ARHGAP15: variants seen among roughly 807,000 people sequenced by gnomAD.
The protein encoded by ARHGAP15 is Rho GTPase activating protein 15.
ARHGAP15 carries 51 observed loss-of-function variants against 63.7 expected under a neutral mutation model. That is an observed-to-expected ratio of 0.80 (90% confidence interval 0.64 to 1.01). The LOEUF is 1.01. Ranked by LOEUF, ARHGAP15 falls within the 50% of genes least tolerant of loss-of-function variation. The pLI is 0.00. For missense variants in ARHGAP15, 560 were observed against 564.6 expected, an observed-to-expected ratio of 0.99 and a Z score of 0.08; for synonymous variants, 191 against 193.8, an observed-to-expected ratio of 0.99 and a Z score of 0.12.
intron 1 of ARHGAP15, among the ~76,000 whole-genome samples, chr2:143,131,498 T>G (rs1158245590): frequency 6.6e-6 from 1 of 152,196 alleles, no homozygotes; most frequent in Non-Finnish European, 1.5e-5. Flanking sequence ...ATATTCCTCC[T>G]GTTGCTCCTT....
At chr2:143,288,934 G>A (rs1012867268) in intron 6 of ARHGAP15, among the ~76,000 whole-genome samples, 1 of 151,918 alleles carries the variant, frequency 6.6e-6, no homozygotes, top group Non-Finnish European at 1.5e-5. Flanking sequence ...CTAGATGCAA[G>A]GCACAGAAAC....
chr2:143,428,244 T>G (rs1026265517), intron 6 of ARHGAP15, among the ~76,000 whole-genome samples: 3 of 151,964 alleles, frequency 2.0e-5, no homozygotes, highest in Admixed American at 2.0e-4. Context: ...CAACCTGCTC[T>G]AAAGTATGGG....
intron 1 of ARHGAP15, among the ~76,000 whole-genome samples, chr2:143,141,620 T>C (rs750602759): frequency 1.2e-4 from 18 of 152,126 alleles, no homozygotes; most frequent in Non-Finnish European, 2.2e-4. Context: ...TCCTACTCGT[T>C]GTAACTAAGA....
chr2:143,643,410 A>G (rs1338691339), intron 12 of ARHGAP15, among the ~76,000 whole-genome samples: 1 of 128,424 alleles, frequency 7.8e-6, no homozygotes, highest in African/African-American at 2.7e-5. Context: ...TAGATGTGTG[A>G]CACCTCCCCT....
chr2:143,457,303 T>C (rs1242568718), intron 8 of ARHGAP15, among the ~76,000 whole-genome samples: 1 of 151,950 alleles, frequency 6.6e-6, no homozygotes, highest in Non-Finnish European at 1.5e-5. Context: ...CTTTAGGAGA[T>C]AGAGACTAGA....
chr2:143,502,396 T>C (rs1316071703), intron 9 of ARHGAP15, among the ~76,000 whole-genome samples: 1 of 151,222 alleles, frequency 6.6e-6, no homozygotes, highest in African/African-American at 2.4e-5. Context: ...GTGTCAAGAG[T>C]AAAACTCCCT....
chr2:143,400,792 G>A (rs1407346818), intron 6 of ARHGAP15, among the ~76,000 whole-genome samples: 2 of 152,006 alleles, frequency 1.3e-5, no homozygotes, highest in African/African-American at 4.8e-5. Flanking sequence ...GCAGGGTATT[G>A]TTTAGTCTCA....
chr2:143,185,769 A>G (rs1208415809), intron 2 of ARHGAP15, among the ~76,000 whole-genome samples: 2 of 152,248 alleles, frequency 1.3e-5, no homozygotes, highest in Non-Finnish European at 2.9e-5. Context: ...TCTCTTAAGC[A>G]GAAATTTTAA....
intron 6 of ARHGAP15, among the ~76,000 whole-genome samples, chr2:143,420,805 T>A (rs1688885647): frequency 6.6e-6 from 1 of 152,168 alleles, no homozygotes; most frequent in Non-Finnish European, 1.5e-5. Flanking sequence ...CATCTGTGAT[T>A]TGTGTCCTAC....
At chr2:143,580,736 G>T (rs1388751330) in intron 11 of ARHGAP15, among the ~76,000 whole-genome samples, 1 of 151,586 alleles carries the variant, frequency 6.6e-6, no homozygotes, top group Non-Finnish European at 1.5e-5. Context: ...AAATATATTG[G>T]TACATAATTC....
intron 2 of ARHGAP15, among the ~76,000 whole-genome samples, chr2:143,158,356 A>G (rs1480670998): frequency 6.6e-6 from 1 of 151,920 alleles, no homozygotes; most frequent in Non-Finnish European, 1.5e-5. Context: ...ATGCCAATAT[A>G]AACATTTATC....
At chr2:143,722,887 A>G (rs1289647577) in intron 13 of ARHGAP15, among the ~76,000 whole-genome samples, 2 of 152,228 alleles carry the variant, frequency 1.3e-5, no homozygotes, top group African/African-American at 4.8e-5. Context: ...TTTTCTTGGA[A>G]TCTGACATCT....
chr2:143,368,285 G>T (rs1480160295), intron 6 of ARHGAP15, among the ~76,000 whole-genome samples: 2 of 152,018 alleles, frequency 1.3e-5, no homozygotes, highest in African/African-American at 4.8e-5. Flanking sequence ...CGTCTTAGAC[G>T]ACTTTCTAGA....
chr2:143,455,123 C>CTCCATAGAGCTAA (rs1380020313), intron 8 of ARHGAP15, among the ~76,000 whole-genome samples: 1 of 152,020 alleles, frequency 6.6e-6, no homozygotes, highest in Admixed American at 6.6e-5. Flanking sequence ...AGAATAGCTA[C>CTCCATAGAGCTAA]TCCATAGAGC....
At chr2:143,458,329 C>T (rs1690757738) in intron 8 of ARHGAP15, among the ~76,000 whole-genome samples, 1 of 152,138 alleles carries the variant, frequency 6.6e-6, no homozygotes, top group African/African-American at 2.4e-5. Context: ...GCCAACACCG[C>T]TGTGTCTGCA....
intron 8 of ARHGAP15, among the ~76,000 whole-genome samples, chr2:143,475,028 T>C (rs1691746784): frequency 6.6e-6 from 1 of 152,172 alleles, no homozygotes; most frequent in Non-Finnish European, 1.5e-5. Flanking sequence ...ACCATCACCA[T>C]ACAGCACCCA....
intron 11 of ARHGAP15, among the ~76,000 whole-genome samples, chr2:143,586,634 A>G (rs1697119499): frequency 1.3e-5 from 2 of 151,864 alleles, no homozygotes; most frequent in Admixed American, 6.6e-5. Context: ...TTGAATACTT[A>G]TAGTTCTTTT....
At chr2:143,710,362 G>A (rs1280301797) in intron 13 of ARHGAP15, among the ~76,000 whole-genome samples, 1 of 152,114 alleles carries the variant, frequency 6.6e-6, no homozygotes, top group African/African-American at 2.4e-5. Context: ...TAATTACTCT[G>A]ATCGCGAGGG....
chr2:143,437,241 AAAT>A, intron 8 of ARHGAP15, 199 bp downstream of exon 8: 1 of 544,464 alleles, frequency 1.8e-6, no homozygotes, highest in East Asian at 3.4e-5. Context: ...CCTTTTGAGA[AAAT>A]AATTGTTCCA....
Sources: allele counts gnomAD v4.1 joint callset (sites outside exome capture counted in the v4.1 genomes callset), GRCh38; gene constraint gnomAD v4.1.1; transcripts MANE v1.5; gene names NCBI Gene and HGNC (gene_info 2026-07-23, HGNC 2026-07-21).